The following MCMDC2 variants were observed in gnomAD, a reference collection of about 807,000 sequenced individuals.
MCMDC2 encodes the protein minichromosome maintenance domain-containing protein 2.
MCMDC2 carries 54 observed loss-of-function variants against 75.8 expected under a neutral mutation model. The observed-to-expected ratio is 0.71, with a 90% confidence interval of 0.57 to 0.89. The LOEUF (loss-of-function observed/expected upper bound fraction) is 0.89. Among genes scored for constraint, MCMDC2 ranks in the 40% least tolerant of loss-of-function variants. MCMDC2 has a pLI of 0.00. For missense variants in MCMDC2, 656 were observed against 780.4 expected (o/e 0.84, Z 1.90); for synonymous variants, 249 against 274.6 (o/e 0.91, Z 0.92).
At chr8:66,879,556 G>T (rs1051350220) in intron 7 of MCMDC2, among the ~76,000 whole-genome samples, 4 of 152,128 alleles carry the variant, frequency 2.6e-5, no homozygotes, top group Non-Finnish European at 5.9e-5. Flanking sequence ...TCGTGCCACT[G>T]CACACAAGCC....
At chr8:66,918,948 A>G in intron 14 of MCMDC2, 55 bp from the exon 15 acceptor site, 1 of 1,306,786 alleles carries the variant, frequency 7.7e-7, no homozygotes, top group Non-Finnish European at 1.0e-6. Context: ...GTGATTTCAT[A>G]CTTGTCATTT....
Position 66,921,744 on chromosome 8 carries a change from C to T in MCMDC2, c.*2575C>T, listed in dbSNP as rs1458304362. The stretch of plus-strand genomic sequence containing the variant: ...ATTAAAGAGTTTTAAGATTCAACCA[C>T]CTGGTACAACAGCAGGCTCTGAAGG... On this transcript the variant is annotated 3_prime_UTR_variant, in exon 15 of 15. Coordinates refer to ENST00000422365, the MANE Select transcript of MCMDC2 (RefSeq NM_173518.5). The T allele has an allele frequency of 1.3e-5, 2 of 152,192 alleles. No homozygotes were observed. Among genetic ancestry groups the T allele is most frequent in the East Asian group, 1.9e-4 (1 of 5,204 alleles). The allele number at this position is 152,192 out of a possible 1,614,324, so 9.4% of individuals were successfully genotyped here. A position where few individuals can be genotyped will look rare whatever the true frequency, so the allele number is the denominator to read the frequency against.
intron 14 of MCMDC2, among the ~76,000 whole-genome samples, chr8:66,911,196 A>T (rs957692142): frequency 2.0e-5 from 3 of 152,200 alleles, no homozygotes; most frequent in African/African-American, 4.8e-5. Flanking sequence ...CATAATCCCT[A>T]CATGTCAAGG....
chr8:66,876,268 C>T (rs546312814), intron 4 of MCMDC2, among the ~76,000 whole-genome samples: 60 of 152,224 alleles, frequency 3.9e-4, no homozygotes, highest in Admixed American at 9.8e-4. Context: ...CTCTCATCAG[C>T]TATTTAGTTA....
chr8:66,881,855 A>G (rs185989207), intron 8 of MCMDC2, among the ~76,000 whole-genome samples: 13 of 152,360 alleles, frequency 8.5e-5, no homozygotes, highest in Middle Eastern at 3.4e-3. Flanking sequence ...GAGCAGACCT[A>G]TTCTTTTAAC....
intron 13 of MCMDC2, among the ~76,000 whole-genome samples, chr8:66,902,707 A>AT (rs1341891622): frequency 6.3e-4 from 76 of 121,084 alleles, no homozygotes; most frequent in African/African-American, 1.3e-3. Flanking sequence ...AAAAAAAAAA[A>AT]AAAAATATAT....
rs572384380 is a variant in MCMDC2 at position 66,904,517 on chromosome 8, A to G, written c.1770-709A>G. 3.9e-5 allele frequency among the ~76,000 whole-genome samples: 6 copies of G among 152,302 alleles called. No homozygotes were observed. In the South Asian group the frequency reaches 1.2e-3, roughly 32 times the overall value. On this transcript the variant is annotated intron_variant, in intron 13 of 14. Transcript: ENST00000422365. ...ATGCCTTTACTTATCTGCCTTTTAC[A>G]GCTGAGTTTCAAAAAATCTCATACA...
At position 66,910,809 on chromosome 8, in the gene MCMDC2, C is replaced by CA. The variant is rs765402558; in HGVS notation, c.1879+5489dup. On this transcript the variant is annotated intron_variant, in intron 14 of 14. Coordinates refer to ENST00000422365, the MANE Select transcript of MCMDC2 (RefSeq NM_173518.5). ...GGGCAACAAGAGCAAAACTCCATCT[C>CA]AAAAAAAAAAAAAAATTACTGCCTC... Among the ~76,000 whole-genome samples the CA allele has an allele frequency of 9.4e-3, 1,274 of 135,282 alleles. 13 individuals are homozygous for CA. The highest frequency in any genetic ancestry group is 0.024 in the African/African-American group (899 of 36,908). 88.8% of individuals were successfully genotyped at this position (135,282 alleles called of 152,430 possible).
chr8:66,923,095 T>C (rs1170613749), downstream of MCMDC2, among the ~76,000 whole-genome samples: 2 of 152,216 alleles, frequency 1.3e-5, no homozygotes, highest in African/African-American at 4.8e-5. Context: ...TAAGACATAA[T>C]GGTCATAGTG....
downstream of MCMDC2, among the ~76,000 whole-genome samples, chr8:66,925,989 A>G (rs1813705108): frequency 2.0e-5 from 3 of 152,036 alleles, no homozygotes; most frequent in South Asian, 4.1e-4. Context: ...TCTACTAAAA[A>G]TACAAAAAAA....
At chr8:66,923,959 T>G (rs893145209), downstream of MCMDC2, among the ~76,000 whole-genome samples, 5 of 151,790 alleles carry the variant, frequency 3.3e-5, no homozygotes, top group African/African-American at 1.2e-4. Flanking sequence ...AAAAGACTGA[T>G]GGGCACAAAA....
At chr8:66,916,026 T>C (rs1436831677) in intron 14 of MCMDC2, among the ~76,000 whole-genome samples, 2 of 152,060 alleles carry the variant, frequency 1.3e-5, no homozygotes, top group African/African-American at 4.8e-5. Flanking sequence ...ATCAGAGATA[T>C]TTCAGTGGCG....
In MCMDC2 at chr8:66,874,461, G is replaced by T; in HGVS notation, c.225+5G>T. ...GCTGCTGAAGTCTTTCAATCAGTAA[G>T]TCAAAAAAAGAAATAATTTTATGCC... On this transcript the variant is annotated splice_donor_5th_base_variant and intron_variant, in intron 3 of 14. Transcript: ENST00000422365. 1 of 1,611,382 alleles carries T rather than the reference G, an allele frequency of 6.2e-7. No homozygotes were observed. Among genetic ancestry groups the T allele is most frequent in the Non-Finnish European group, 8.5e-7 (1 of 1,179,442 alleles).
rs1172799760 is a variant in MCMDC2 at position 66,883,982 on chromosome 8, T to TA, written c.1062dup (p.Leu355ThrfsTer9). Reference sequence around the variant, plus strand: ...ATTTTAATTATAACAAGTGATACTCTACTCATAGACAGGTATATATGTGAC... The same window carrying TA: ...ATTTTAATTATAACAAGTGATACTCTAACTCATAGACAGGTATATATGTGAC... On this transcript the variant is annotated frameshift_variant, in exon 9 of 15. Transcript: ENST00000422365. LOFTEE classifies it high-confidence loss of function. The TA allele has an allele frequency of 1.2e-6, 2 of 1,605,384 alleles. No individual in the cohort carries two copies. The highest frequency in any genetic ancestry group is 1.7e-6 in the Non-Finnish European group (2 of 1,172,572).
Position 66,896,839 on chromosome 8 carries a change from C to T in MCMDC2, c.1506C>T (p.Asn502=), listed in dbSNP as rs145658266. The T allele has an allele frequency of 1.5e-3, 2,455 of 1,613,222 alleles. 33 individuals are homozygous for T. The African/African-American group carries it at 0.025, about 17-fold the overall frequency. ...CATTTGGTTTATTGATTAACTGCAA[C>T]GAGTCATCTCCCTGCCACCCATTTC... ...VEAFGLLINC[N]ESSPCHPFLP... Residue 502 remains asparagine, a synonymous_variant, in exon 12 of 15, where the codon AAC becomes AAT. Transcript: ENST00000422365.
At chr8:66,891,832 A>G (rs1812121807) in intron 10 of MCMDC2, among the ~76,000 whole-genome samples, 1 of 152,228 alleles carries the variant, frequency 6.6e-6, no homozygotes, top group Non-Finnish European at 1.5e-5. Flanking sequence ...CCGCTGTGGC[A>G]GGGCAGGCAG....
downstream of MCMDC2, chr8:66,925,581 G>A (rs968238458): frequency 6.6e-6 from 1 of 152,214 alleles, no homozygotes; most frequent in East Asian, 1.9e-4. Context: ...GCACTCCGGT[G>A]GCCCCGCCTC....
At chr8:66,875,130 A>G (rs1249675968) in intron 4 of MCMDC2, among the ~76,000 whole-genome samples, 2 of 152,122 alleles carry the variant, frequency 1.3e-5, no homozygotes, top group African/African-American at 4.8e-5. Flanking sequence ...ACCTTCATAT[A>G]TCTACCACTC....
At chr8:66,915,051 T>C (rs1813253885) in intron 14 of MCMDC2, among the ~76,000 whole-genome samples, 6 of 152,138 alleles carry the variant, frequency 3.9e-5, no homozygotes, top group Admixed American at 3.9e-4. Flanking sequence ...TTCTATAGGC[T>C]GAGCACAGTG....
Sources: allele counts gnomAD v4.1 joint callset (sites outside exome capture counted in the v4.1 genomes callset), GRCh38; gene constraint gnomAD v4.1.1; transcripts MANE v1.5; gene names NCBI Gene and HGNC (gene_info 2026-07-23, HGNC 2026-07-21).